The following ENOX1 variants were observed in gnomAD, a reference collection of about 807,000 sequenced individuals.
The protein encoded by ENOX1 is ecto-NOX disulfide-thiol exchanger 1, also known as candidate growth-related and time keeping constitutive hydroquinone (NADH) oxidase.
In ENOX1, 42 loss-of-function variants were observed where a neutral mutation model predicts 82.5. The observed-to-expected ratio is 0.51, with a 90% CI of 0.40 to 0.66. The LOEUF is 0.66. ENOX1 is among the 30% of genes least tolerant of loss of function. The pLI, the probability that ENOX1 is intolerant of heterozygous loss-of-function variation, is 0.00. For missense variants in ENOX1, 608 were observed against 811.6 expected, an observed-to-expected ratio of 0.75 and a Z score of 3.05; for synonymous variants, 271 against 282.2, an observed-to-expected ratio of 0.96 and a Z score of 0.40.
At chr13:43,360,891 T>C (rs985990698) in intron 6 of ENOX1, among the ~76,000 whole-genome samples, 1 of 152,222 alleles carries the variant, frequency 6.6e-6, no homozygotes, top group African/African-American at 2.4e-5. Flanking sequence ...AATTGCTAAC[T>C]GTCAAATTAA....
intron 1 of ENOX1, among the ~76,000 whole-genome samples, chr13:43,715,855 G>A (rs1016667152): frequency 1.3e-5 from 2 of 151,388 alleles, no homozygotes; most frequent in African/African-American, 4.9e-5. Flanking sequence ...GGTTTTTCTA[G>A]GTAACCATTC....
Position 43,324,689 on chromosome 13 carries a change from C to T in ENOX1, c.1143+1730G>A, listed in dbSNP as rs532977629. ...TTCGCAGGAGCACCTTTGACAGCTG[C>T]ACTCCATCTGTCCTTCTGGAGCATC... On this transcript the variant is annotated intron_variant, in intron 10 of 16. Transcript: ENST00000690772. 4.3e-4 allele frequency among the ~76,000 whole-genome samples: 66 copies of T among 152,274 alleles called. No individual in the cohort carries two copies. In the Middle Eastern group the frequency reaches 0.01, roughly 24 times the overall value.
intron 1 of ENOX1, among the ~76,000 whole-genome samples, chr13:43,726,319 T>C (rs2088953644): frequency 6.6e-6 from 1 of 150,666 alleles, no homozygotes; most frequent in Admixed American, 6.6e-5. Flanking sequence ...CAGATTCAAG[T>C]GATTCTCCTG....
chr13:43,699,777 C>T (rs576912935), intron 1 of ENOX1, among the ~76,000 whole-genome samples: 73 of 152,292 alleles, frequency 4.8e-4, no homozygotes, highest in Non-Finnish European at 9.7e-4. Flanking sequence ...TCCTTCCCCA[C>T]GAACAATCAC....
At chr13:43,468,893 T>A (rs2057865027) in intron 3 of ENOX1, among the ~76,000 whole-genome samples, 1 of 152,208 alleles carries the variant, frequency 6.6e-6, no homozygotes, top group South Asian at 2.1e-4. Flanking sequence ...TTTCTTAATT[T>A]CATTTTAAAT....
At chr13:43,723,772 TACACACAC>T (rs147314757) in intron 1 of ENOX1, among the ~76,000 whole-genome samples, 1 of 149,198 alleles carries the variant, frequency 6.7e-6, no homozygotes, top group Non-Finnish European at 1.5e-5. Context: ...TGCCTGAATC[TACACACAC>T]ACACACACAC....
intron 2 of ENOX1, among the ~76,000 whole-genome samples, chr13:43,583,327 G>A (rs2080835470): frequency 6.6e-6 from 1 of 152,092 alleles, no homozygotes; most frequent in Non-Finnish European, 1.5e-5. Context: ...TTTTATTCAG[G>A]AATGTAAAAT....
intron 2 of ENOX1, among the ~76,000 whole-genome samples, chr13:43,571,135 C>T (rs562042026): frequency 7.9e-5 from 12 of 152,276 alleles, no homozygotes; most frequent in African/African-American, 2.6e-4. Flanking sequence ...TTCTGTTATG[C>T]TTTAAGCAGC....
At chr13:43,266,400 T>C (rs1235232002) in intron 13 of ENOX1, among the ~76,000 whole-genome samples, 2 of 152,136 alleles carry the variant, frequency 1.3e-5, no homozygotes, top group African/African-American at 4.8e-5. Flanking sequence ...AATGAAAGCT[T>C]CTTTAGTTTT....
intron 2 of ENOX1, among the ~76,000 whole-genome samples, chr13:43,489,341 G>A (rs1312715886): frequency 2.0e-5 from 3 of 152,168 alleles, no homozygotes; most frequent in Non-Finnish European, 2.9e-5. Flanking sequence ...TGTGGCTTGA[G>A]TGGACCCAGC....
intron 5 of ENOX1, among the ~76,000 whole-genome samples, chr13:43,380,244 C>A (rs1243339884): frequency 6.6e-6 from 1 of 151,310 alleles, no homozygotes; most frequent in Non-Finnish European, 1.5e-5. Context: ...TCGGAAATGG[C>A]AAATATATGG....
intron 1 of ENOX1, among the ~76,000 whole-genome samples, chr13:43,752,768 G>A (rs1486327123): frequency 2.6e-5 from 4 of 151,972 alleles, no homozygotes; most frequent in African/African-American, 9.7e-5. Context: ...TTTGATTACT[G>A]TAGCATTACA....
At chr13:43,243,855 A>G (rs1331714227) in intron 14 of ENOX1, among the ~76,000 whole-genome samples, 1 of 152,034 alleles carries the variant, frequency 6.6e-6, no homozygotes, top group African/African-American at 2.4e-5. Context: ...ATGCTCTTGG[A>G]AAGCTCTCTC....
intron 1 of ENOX1, among the ~76,000 whole-genome samples, chr13:43,676,605 TG>T (rs68024141): frequency 0.073 from 11,088 of 152,224 alleles, 469 homozygotes; most frequent in East Asian, 0.1. Flanking sequence ...TCCTCTCTGC[TG>T]CTTTTCTCTA....
chr13:43,561,810 G>A (rs748408313), intron 2 of ENOX1, among the ~76,000 whole-genome samples: 32 of 151,936 alleles, frequency 2.1e-4, no homozygotes, highest in Admixed American at 1.1e-3. Flanking sequence ...GTGAAATCCC[G>A]TCTCTACAAA....
intron 3 of ENOX1, among the ~76,000 whole-genome samples, chr13:43,469,814 T>A (rs1421558279): frequency 6.6e-6 from 1 of 151,890 alleles, no homozygotes; most frequent in Non-Finnish European, 1.5e-5. Flanking sequence ...TACAAACCAA[T>A]TTTGTAAAAA....
At chr13:43,314,082 T>C (rs1306310767) in intron 11 of ENOX1, among the ~76,000 whole-genome samples, 1 of 152,196 alleles carries the variant, frequency 6.6e-6, no homozygotes, top group East Asian at 1.9e-4. Context: ...ACTTCTCTGC[T>C]AGTGATGGGA....
intron 2 of ENOX1, among the ~76,000 whole-genome samples, chr13:43,649,150 T>C (rs2084034307): frequency 6.6e-6 from 1 of 152,244 alleles, no homozygotes; most frequent in South Asian, 2.1e-4. Context: ...TTTATTGTAA[T>C]GTCTTGCTCT....
At chr13:43,553,693 CTGT>C (rs34044706) in intron 2 of ENOX1, among the ~76,000 whole-genome samples, 40,807 of 152,008 alleles carry the variant, frequency 0.27, 5,988 homozygotes, top group Non-Finnish European at 0.34. Context: ...GGAGAACTGA[CTGT>C]TGTTGTTCTC....
Sources: gnomAD v4.1 joint callset for allele counts (sites outside exome capture counted in the v4.1 genomes callset) on GRCh38, gnomAD v4.1.1 for gene constraint, MANE v1.5 for transcripts, NCBI Gene and HGNC (gene_info 2026-07-23, HGNC 2026-07-21) for gene names.